PTPRD: variants seen among roughly 807,000 people sequenced by gnomAD.
PTPRD encodes receptor-type tyrosine-protein phosphatase delta.
Under a neutral mutation model 214.5 loss-of-function variants are expected in PTPRD, and 34 were observed. The ratio of observed to expected loss-of-function variants is 0.16; its 90% CI spans 0.12 to 0.21. PTPRD has a LOEUF of 0.21. PTPRD is among the 10% of genes least tolerant of loss of function. The pLI is 1.00. For synonymous variants in PTPRD, 1,128 were observed against 845.7 expected, an observed-to-expected ratio of 1.33 and a Z score of -5.79; for missense variants, 2,545 against 2,398.7, an observed-to-expected ratio of 1.06 and a Z score of -1.27.
chr9:10,092,945 A>G (rs2098447206), intron 3 of PTPRD, among the ~76,000 whole-genome samples: 1 of 151,718 alleles, frequency 6.6e-6, no homozygotes, highest in Admixed American at 6.6e-5. Flanking sequence ...ATGTACAAAA[A>G]TTAACTCAAG....
chr9:8,455,613 T>C (rs2096163167), intron 33 of PTPRD, among the ~76,000 whole-genome samples: 2 of 152,170 alleles, frequency 1.3e-5, no homozygotes, highest in African/African-American at 4.8e-5. Flanking sequence ...TTTTCAAAAA[T>C]AAAAAAATCC....
intron 3 of PTPRD, among the ~76,000 whole-genome samples, chr9:10,282,065 A>G (rs141478275): frequency 1.3e-3 from 197 of 152,198 alleles, no homozygotes; most frequent in African/African-American, 4.6e-3. Context: ...AGATAATTTT[A>G]GGCTTATGAA....
At chr9:9,301,873 C>T (rs1955449877) in intron 9 of PTPRD, among the ~76,000 whole-genome samples, 1 of 151,842 alleles carries the variant, frequency 6.6e-6, no homozygotes, top group Non-Finnish European at 1.5e-5. Context: ...GTCGATTTCA[C>T]AAATGTCCAG....
chr9:9,976,119 G>A (rs1473591990), intron 4 of PTPRD, among the ~76,000 whole-genome samples: 1 of 152,098 alleles, frequency 6.6e-6, no homozygotes, highest in Non-Finnish European at 1.5e-5. Context: ...AACATTTTCA[G>A]ATCCCCCACA....
At chr9:9,975,339 T>C (rs2095313774) in intron 4 of PTPRD, among the ~76,000 whole-genome samples, 1 of 152,240 alleles carries the variant, frequency 6.6e-6, no homozygotes, top group South Asian at 2.1e-4. Flanking sequence ...TAACTGTGGT[T>C]CTTTGCTTTC....
At chr9:8,738,226 C>A (rs1436483735) in intron 11 of PTPRD, among the ~76,000 whole-genome samples, 1 of 152,126 alleles carries the variant, frequency 6.6e-6, no homozygotes, top group East Asian at 1.9e-4. Flanking sequence ...TGCCTAAAAG[C>A]CTTAACAAAT....
At chr9:8,892,975 G>A (rs770874173) in intron 11 of PTPRD, among the ~76,000 whole-genome samples, 3 of 152,168 alleles carry the variant, frequency 2.0e-5, no homozygotes, top group Non-Finnish European at 4.4e-5. Flanking sequence ...TAATCTTGAC[G>A]TCCATGTTGG....
chr9:9,150,942 AT>A (rs1323298326), intron 10 of PTPRD, among the ~76,000 whole-genome samples: 2 of 152,186 alleles, frequency 1.3e-5, no homozygotes, highest in Admixed American at 6.5e-5. Flanking sequence ...AAAAGCAAAG[AT>A]TTTTGAGATA....
chr9:9,041,840 T>G (rs1262869536), intron 10 of PTPRD, among the ~76,000 whole-genome samples: 2 of 152,176 alleles, frequency 1.3e-5, no homozygotes, highest in African/African-American at 4.8e-5. Flanking sequence ...GCTAATCTCC[T>G]ACTCAACTGT....
chr9:8,491,317 A>T (rs938505329), intron 27 of PTPRD, among the ~76,000 whole-genome samples: 4 of 152,184 alleles, frequency 2.6e-5, no homozygotes, highest in African/African-American at 9.6e-5. Context: ...ATAAAAAGGG[A>T]TGAGCTAGCC....
At chr9:9,992,588 G>A (rs1430719667) in intron 4 of PTPRD, among the ~76,000 whole-genome samples, 2 of 152,122 alleles carry the variant, frequency 1.3e-5, no homozygotes, top group Admixed American at 6.5e-5. Context: ...AAGAAAATGT[G>A]GCACATATAC....
chr9:8,538,367 G>C (rs913478921), intron 14 of PTPRD, among the ~76,000 whole-genome samples: 2 of 151,796 alleles, frequency 1.3e-5, no homozygotes, highest in Admixed American at 6.6e-5. Context: ...CAAGGAAAGA[G>C]ACTTGGATTT....
chr9:10,169,721 C>G (rs1390942267), intron 3 of PTPRD, among the ~76,000 whole-genome samples: 1 of 152,272 alleles, frequency 6.6e-6, no homozygotes, highest in Middle Eastern at 3.4e-3. Flanking sequence ...GAACAAAACT[C>G]TACATCCTTG....
At chr9:8,873,348 G>A (rs10759008) in intron 11 of PTPRD, among the ~76,000 whole-genome samples, 40,755 of 151,936 alleles carry the variant, frequency 0.27, 6,156 homozygotes, top group Non-Finnish European at 0.34. Context: ...ACCAGCTGTC[G>A]TGTTGTATGT....
At chr9:10,501,822 A>G in intron 2 of PTPRD, among the ~76,000 whole-genome samples, 1 of 152,002 alleles carries the variant, frequency 6.6e-6, no homozygotes, top group Non-Finnish European at 1.5e-5. Context: ...CAAATTCAAC[A>G]CAGAAGGTAT....
chr9:8,421,525 C>T (rs1339027162), intron 35 of PTPRD, among the ~76,000 whole-genome samples: 1 of 152,066 alleles, frequency 6.6e-6, no homozygotes, highest in Admixed American at 6.6e-5. Context: ...ACTGAAGACC[C>T]TGTAATCCCT....
At chr9:9,913,948 T>C (rs1323185503) in intron 5 of PTPRD, among the ~76,000 whole-genome samples, 1 of 152,184 alleles carries the variant, frequency 6.6e-6, no homozygotes, top group East Asian at 1.9e-4. Context: ...ATCTTCATTA[T>C]GACAAGCCGA....
intron 5 of PTPRD, among the ~76,000 whole-genome samples, chr9:9,802,220 G>A (rs1410784394): frequency 2.0e-5 from 3 of 146,400 alleles, no homozygotes; most frequent in Admixed American, 7.3e-5. Flanking sequence ...CTCCTGAAAT[G>A]CAAATGTAAT....
chr9:10,103,396 T>A (rs2098587556), intron 3 of PTPRD, among the ~76,000 whole-genome samples: 1 of 137,470 alleles, frequency 7.3e-6, no homozygotes, highest in Non-Finnish European at 1.6e-5. Flanking sequence ...TATATATATT[T>A]ATTTAAGAGC....
Sources: allele counts gnomAD v4.1 joint callset (sites outside exome capture counted in the v4.1 genomes callset), GRCh38; gene constraint gnomAD v4.1.1; transcripts MANE v1.5; gene names NCBI Gene and HGNC (gene_info 2026-07-23, HGNC 2026-07-21).